Variants in CTNND2 observed in about 807,000 individuals in gnomAD.
CTNND2 encodes catenin delta 2, also known as catenin delta-2.
CTNND2 carries 22 observed loss-of-function variants against 144.4 expected under a neutral mutation model. The ratio of observed to expected loss-of-function variants is 0.15; its 90% CI spans 0.11 to 0.22. The LOEUF is 0.22. CTNND2 is among the 10% of genes least tolerant of loss of function. CTNND2 has a pLI of 1.00. For missense variants in CTNND2, 1,353 were observed against 1,618.8 expected (o/e 0.84, Z 2.82); for synonymous variants, 751 against 695.6 (o/e 1.08, Z -1.25).
chr5:11,365,968 A>G (rs888198922), intron 7 of CTNND2, among the ~76,000 whole-genome samples: 1 of 152,216 alleles, frequency 6.6e-6, no homozygotes, highest in Non-Finnish European at 1.5e-5. Flanking sequence ...GCTACATCCT[A>G]CAACTAATCC....
intron 3 of CTNND2, among the ~76,000 whole-genome samples, chr5:11,464,462 A>T (rs1301640253): frequency 2.0e-5 from 3 of 152,148 alleles, no homozygotes; most frequent in Non-Finnish European, 4.4e-5. Context: ...CTGGGGTGCC[A>T]GGCAGCAGGA....
intron 1 of CTNND2, among the ~76,000 whole-genome samples, chr5:11,765,632 C>T (rs992965498): frequency 2.0e-5 from 3 of 151,916 alleles, no homozygotes; most frequent in South Asian, 2.1e-4. Flanking sequence ...TTGAAAATGG[C>T]GTCGAACTCT....
intron 9 of CTNND2, among the ~76,000 whole-genome samples, chr5:11,321,617 T>C (rs1369856741): frequency 6.6e-6 from 1 of 152,118 alleles, no homozygotes; most frequent in South Asian, 2.1e-4. Flanking sequence ...TCATAAAAGA[T>C]GGAAAGTAAT....
intron 3 of CTNND2, among the ~76,000 whole-genome samples, chr5:11,452,361 T>A (rs1765378713): frequency 6.6e-6 from 1 of 152,194 alleles, no homozygotes; most frequent in Admixed American, 6.5e-5. Flanking sequence ...ATGGAAAATA[T>A]ACCCCAAAGT....
intron 1 of CTNND2, among the ~76,000 whole-genome samples, chr5:11,743,987 A>G (rs1012400537): frequency 1.3e-5 from 2 of 152,188 alleles, no homozygotes; most frequent in African/African-American, 4.8e-5. Flanking sequence ...GTGTGAAGGT[A>G]AAAAGGAAGG....
chr5:11,433,787 T>C (rs1275012883), intron 3 of CTNND2, among the ~76,000 whole-genome samples: 1 of 152,168 alleles, frequency 6.6e-6, no homozygotes. Context: ...ACCTCCTGCA[T>C]TGGGAATTGC....
chr5:11,830,502 C>T (rs1290934261), intron 1 of CTNND2, among the ~76,000 whole-genome samples: 1 of 152,206 alleles, frequency 6.6e-6, no homozygotes, highest in Non-Finnish European at 1.5e-5. Flanking sequence ...TCTCCCTTTG[C>T]CTGCTGCCAT....
intron 2 of CTNND2, among the ~76,000 whole-genome samples, chr5:11,711,417 A>G (rs1377159761): frequency 6.6e-6 from 1 of 152,132 alleles, no homozygotes; most frequent in Non-Finnish European, 1.5e-5. Context: ...CCTAATTTTA[A>G]CATGTAGGGC....
At chr5:11,079,508 C>T (rs557956564) in intron 16 of CTNND2, among the ~76,000 whole-genome samples, 2 of 152,298 alleles carry the variant, frequency 1.3e-5, no homozygotes, top group East Asian at 1.9e-4. Flanking sequence ...TCAGCCTTGG[C>T]CTTGGCATCT....
chr5:11,035,368 C>T (rs1743956322), intron 16 of CTNND2, among the ~76,000 whole-genome samples: 1 of 152,168 alleles, frequency 6.6e-6, no homozygotes, highest in South Asian at 2.1e-4. Flanking sequence ...CCCTCTGTTT[C>T]TACCTTTAAA....
intron 13 of CTNND2, among the ~76,000 whole-genome samples, chr5:11,115,027 T>C (rs997594764): frequency 4.6e-5 from 7 of 152,224 alleles, no homozygotes; most frequent in African/African-American, 1.2e-4. Flanking sequence ...CAGTTGGATA[T>C]GGTGCTCCAG....
At chr5:10,998,189 G>A (rs1471050738) in intron 18 of CTNND2, among the ~76,000 whole-genome samples, 1 of 152,154 alleles carries the variant, frequency 6.6e-6, no homozygotes, top group Admixed American at 6.5e-5. Context: ...GGTCCTGCAG[G>A]TAACTTGTCT....
At chr5:11,676,419 G>A (rs115515836) in intron 2 of CTNND2, among the ~76,000 whole-genome samples, 2,915 of 152,002 alleles carry the variant, frequency 0.019, 33 homozygotes, top group Non-Finnish European at 0.029. Context: ...AATTTATGGG[G>A]GCAGGGGTTA....
intron 1 of CTNND2, among the ~76,000 whole-genome samples, chr5:11,864,497 C>T (rs535463007): frequency 6.6e-6 from 1 of 152,228 alleles, no homozygotes; most frequent in African/African-American, 2.4e-5. Context: ...TCTAGAAAGG[C>T]CACTCAGCTT....
intron 16 of CTNND2, among the ~76,000 whole-genome samples, chr5:11,049,735 A>G (rs907607726): frequency 1.3e-5 from 2 of 152,238 alleles, no homozygotes; most frequent in Non-Finnish European, 2.9e-5. Flanking sequence ...AATGTGTCCA[A>G]TAAATAACTG....
Position 11,353,284 on chromosome 5 carries a change from G to A in CTNND2, c.1373-6657C>T, listed in dbSNP as rs189403974. ...GGTCACAGAAGAGCAGTGACAGGACGGTGGGCAGGACTGGGACTGAAATGT... is the reference window on the plus strand; with the variant it reads ...GGTCACAGAAGAGCAGTGACAGGACAGTGGGCAGGACTGGGACTGAAATGT... On this transcript the variant is annotated intron_variant, in intron 8 of 21. Transcript: ENST00000304623. Among the ~76,000 whole-genome samples, 31 of 152,216 alleles carry A rather than the reference G, an allele frequency of 2.0e-4. No individual in the cohort carries two copies. In the South Asian group the frequency reaches 2.1e-3, roughly 10 times the overall value.
chr5:11,856,717 A>G (rs934301985), intron 1 of CTNND2, among the ~76,000 whole-genome samples: 1 of 152,190 alleles, frequency 6.6e-6, no homozygotes, highest in African/African-American at 2.4e-5. Flanking sequence ...CCTTCGACAT[A>G]TATGTGGTTT....
chr5:11,624,051 A>C (rs1193296120), intron 2 of CTNND2, among the ~76,000 whole-genome samples: 1 of 151,720 alleles, frequency 6.6e-6, no homozygotes, highest in Non-Finnish European at 1.5e-5. Flanking sequence ...TTTTGTTTAT[A>C]AATCACCTAG....
At chr5:11,489,069 T>A (rs892316158) in intron 3 of CTNND2, among the ~76,000 whole-genome samples, 1 of 152,152 alleles carries the variant, frequency 6.6e-6, no homozygotes, top group African/African-American at 2.4e-5. Context: ...CTAGGGTTAA[T>A]ACCTAGAAGT....
Sources: allele counts gnomAD v4.1 joint callset (sites outside exome capture counted in the v4.1 genomes callset), GRCh38; gene constraint gnomAD v4.1.1; transcripts MANE v1.5; gene names NCBI Gene and HGNC (gene_info 2026-07-23, HGNC 2026-07-21).